Variants in USP34 observed in about 807,000 individuals in gnomAD.
USP34 encodes the protein ubiquitin carboxyl-terminal hydrolase 34.
Under a neutral mutation model 460.3 loss-of-function variants are expected in USP34, and 70 were observed. The ratio of observed to expected loss-of-function variants is 0.15; its 90% CI spans 0.13 to 0.19. The LOEUF (loss-of-function observed/expected upper bound fraction) is 0.19, where lower values mean the gene tolerates loss of function less well. USP34 is among the 10% of genes least tolerant of loss of function. USP34 has a pLI of 1.00. For synonymous variants in USP34, 1,647 were observed against 1,405.3 expected (o/e 1.17, Z -3.85); for missense variants, 3,985 against 4,236.2 (o/e 0.94, Z 1.65).
At chr2:61,296,092 C>G (rs964888856) in intron 30 of USP34, among the ~76,000 whole-genome samples, 1 of 151,978 alleles carries the variant, frequency 6.6e-6, no homozygotes, top group East Asian at 1.9e-4. Context: ...AACCCTGTCT[C>G]TACTAAAAAT....
At chr2:61,445,573 C>G (rs1043441932) in intron 1 of USP34, among the ~76,000 whole-genome samples, 1 of 150,864 alleles carries the variant, frequency 6.6e-6, no homozygotes, top group Non-Finnish European at 1.5e-5. Flanking sequence ...AAAAATGATC[C>G]CGGATGAAAG....
chr2:61,402,884 A>C lies in USP34; in HGVS notation c.552+2824T>G, dbSNP rs572913830. On this transcript the variant is annotated intron_variant, in intron 3 of 79. Coordinates refer to ENST00000398571, the MANE Select transcript of USP34 (RefSeq NM_014709.4). ...ATTTATACATATATATAATTTTATA[A>C]CATGTATGCTACCAAGTCTTTGATC... Among the ~76,000 whole-genome samples, 1,051 of 152,274 alleles carry C rather than the reference A, an allele frequency of 6.9e-3. 10 individuals carry two copies. The highest frequency in any genetic ancestry group is 0.054 in the Middle Eastern group (16 of 294).
chr2:61,454,019 C>T (rs1025673257), intron 1 of USP34, among the ~76,000 whole-genome samples: 1 of 152,036 alleles, frequency 6.6e-6, no homozygotes, highest in African/African-American at 2.4e-5. Context: ...TCAGTTTATA[C>T]ATATTCACAG....
chr2:61,350,571 T>C lies in USP34; in HGVS notation c.1374A>G (p.Glu458=), dbSNP rs142337843. 5.6e-4 allele frequency: 901 copies of C among 1,606,894 alleles called. 6 individuals are homozygous for C. The African/African-American group carries it at 0.011, about 20-fold the overall frequency. ...VSALEPSVHT[E]QTLYLASMLI... is the part of the protein sequence containing the mutation. Reference sequence around the variant, plus strand: ...TATCATGTTTTGAATGTATTACCTGTTCAGTATGAACACTTGGCTCAAGAG... The same window carrying C: ...TATCATGTTTTGAATGTATTACCTGCTCAGTATGAACACTTGGCTCAAGAG... Residue 458 remains glutamate (E), a synonymous_variant, in exon 11 of 80, where the codon GAA becomes GAG. Coordinates refer to ENST00000398571, the MANE Select transcript of USP34 (RefSeq NM_014709.4).
At chr2:61,226,529 T>A (rs376645133) in intron 62 of USP34, among the ~76,000 whole-genome samples, 57 of 152,296 alleles carry the variant, frequency 3.7e-4, no homozygotes, top group African/African-American at 1.2e-3. Context: ...TTTTCCCACC[T>A]TTTTTTACTT....
chr2:61,317,568 C>T (rs759685570), intron 23 of USP34, 86 bp downstream of exon 23: 188 of 1,216,700 alleles, frequency 1.5e-4, no homozygotes, highest in Non-Finnish European at 2.2e-4. Flanking sequence ...AAATTCTATA[C>T]TTTGTAGAAA....
chr2:61,270,577 G>C (rs1194872254), intron 41 of USP34, among the ~76,000 whole-genome samples: 1 of 151,994 alleles, frequency 6.6e-6, no homozygotes, highest in African/African-American at 2.4e-5. Context: ...CTGTGATTAC[G>C]GGTATGCACC....
Position 61,420,705 on chromosome 2 carries a change from ACT to A in USP34, c.131+39_131+40del, listed in dbSNP as rs758122888. On this transcript the variant is annotated intron_variant, in intron 2 of 79. Transcript: ENST00000398571. ...AATAAAAATCGCAACTTATAACACA[ACT>A]CACAAAAATTAGTCTTCGAAATACC... The A allele has an allele frequency of 1.0e-5, 15 of 1,502,518 alleles. No individual in the cohort carries two copies. In the South Asian group the frequency reaches 1.9e-4, roughly 19 times the overall value. 93.1% of individuals were successfully genotyped at this position (1,502,518 alleles called of 1,614,324 possible).
intron 29 of USP34, among the ~76,000 whole-genome samples, chr2:61,299,705 T>C (rs1185833693): frequency 6.6e-6 from 1 of 152,102 alleles, no homozygotes; most frequent in Non-Finnish European, 1.5e-5. Flanking sequence ...TGAGCTACGA[T>C]CATACCACTG....
chr2:61,469,221 GAT>G (rs1161176643), intron 1 of USP34, among the ~76,000 whole-genome samples: 1 of 151,846 alleles, frequency 6.6e-6, no homozygotes, highest in African/African-American at 2.4e-5. Context: ...AAAAAAAAAA[GAT>G]ATTTAAAATC....
rs373240446 is a variant in USP34, at chr2:61,206,091, C to T, written c.9080G>A (p.Arg3027Gln). The T allele has an allele frequency of 7.4e-6, 12 of 1,613,584 alleles. No individual in the cohort carries two copies. Among genetic ancestry groups the T allele is most frequent in the African/African-American group, 4.0e-5 (3 of 74,878 alleles). The change falls in exon 72 of 80, where the codon CGA becomes CAA. Residue 3027 changes from arginine (R) to glutamine (Q), a missense_variant. By Grantham distance (43) the Arg-to-Gln change is conservative. Around this residue, in one of 14 missense-constraint regions of USP34, gnomAD observed 275 missense variants for 292.7 expected, o/e 0.94. Transcript: ENST00000398571. ...VKQALIQWQE[R>Q]IEFAHKLLTL... is the part of the protein sequence containing the mutation. ...TAACAGTTTATGGGCAAATTCAATT[C>T]GCTCCTGCCACTGGATTAATGCTTG...
At chr2:61,198,575 AAG>A (rs1285519676) in intron 75 of USP34, among the ~76,000 whole-genome samples, 1 of 142,120 alleles carries the variant, frequency 7.0e-6, no homozygotes, top group East Asian at 2.0e-4. Context: ...TTTTTTTTTT[AAG>A]AGAGAGAAAT....
At chr2:61,325,905 A>AGT (rs1446849738) in intron 20 of USP34, among the ~76,000 whole-genome samples, 1 of 152,264 alleles carries the variant, frequency 6.6e-6, no homozygotes, top group Non-Finnish European at 1.5e-5. Flanking sequence ...GTTCATGAAA[A>AGT]GTAGAGCTGA....
At chr2:61,263,798 A>G (rs886840152) in intron 43 of USP34, among the ~76,000 whole-genome samples, 1 of 152,068 alleles carries the variant, frequency 6.6e-6, no homozygotes, top group Non-Finnish European at 1.5e-5. Flanking sequence ...TAATTTTTGT[A>G]TATCTGGTAG....
intron 41 of USP34, among the ~76,000 whole-genome samples, chr2:61,276,072 A>G (rs564297708): frequency 6.6e-6 from 1 of 152,350 alleles, no homozygotes; most frequent in Admixed American, 6.5e-5. Context: ...ACAAACAATA[A>G]GTAAATGGAA....
intron 27 of USP34, 75 bp downstream of exon 27, chr2:61,311,465 G>A (rs115893812): frequency 8.4e-6 from 1 of 119,138 alleles, no homozygotes; most frequent in Non-Finnish European, 1.4e-5. Context: ...AAAAGGAAAG[G>A]AGAAAAGAGA....
intron 34 of USP34, 35 bp from the exon 35 acceptor site, chr2:61,284,992 T>C: frequency 6.5e-7 from 1 of 1,535,038 alleles, no homozygotes; most frequent in Non-Finnish European, 8.9e-7. Flanking sequence ...GATATTTAAA[T>C]ACAGCAAAAG....
intron 13 of USP34, 98 bp from the exon 14 acceptor site, chr2:61,348,984 G>C: frequency 1.5e-6 from 2 of 1,357,926 alleles, no homozygotes; most frequent in Non-Finnish European, 9.8e-7. Context: ...AGTTACCAAA[G>C]CTTTATGCTA....
intron 61 of USP34, among the ~76,000 whole-genome samples, chr2:61,228,408 T>G: frequency 6.6e-6 from 1 of 152,204 alleles, no homozygotes; most frequent in East Asian, 1.9e-4. Context: ...TTTGCCTAAG[T>G]TTATTTGCTT....
Sources: allele counts gnomAD v4.1 joint callset (sites outside exome capture counted in the v4.1 genomes callset), GRCh38; gene constraint gnomAD v4.1.1; regional missense constraint gnomAD v4.1.1; transcripts MANE v1.5; gene names NCBI Gene and HGNC (gene_info 2026-07-23, HGNC 2026-07-21).